HHAT: variants seen among roughly 807,000 people sequenced by gnomAD.
The protein encoded by HHAT is hedgehog acyltransferase.
HHAT carries 47 observed loss-of-function variants against 70.8 expected under a neutral mutation model. That is an observed-to-expected ratio of 0.66 (90% CI 0.53 to 0.85). The LOEUF is 0.85. HHAT is among the 40% of genes least tolerant of loss of function. The pLI is 0.00. For missense variants in HHAT, 609 were observed against 604.8 expected, an observed-to-expected ratio of 1.01 and a Z score of -0.07; for synonymous variants, 228 against 247.6, an observed-to-expected ratio of 0.92 and a Z score of 0.74.
chr1:210,568,659 A>G (rs1655365569), intron 9 of HHAT, among the ~76,000 whole-genome samples: 1 of 152,186 alleles, frequency 6.6e-6, no homozygotes, highest in Non-Finnish European at 1.5e-5. Context: ...AGAGGTTGCC[A>G]TTGGTTACTT....
At chr1:210,668,914 C>G (rs892942792) in intron 11 of HHAT, among the ~76,000 whole-genome samples, 1 of 152,174 alleles carries the variant, frequency 6.6e-6, no homozygotes, top group Admixed American at 6.5e-5. Context: ...GCTGGGATTA[C>G]AGGCACCTGC....
At chr1:210,384,333 G>A (rs937546798) in intron 3 of HHAT, among the ~76,000 whole-genome samples, 3 of 152,164 alleles carry the variant, frequency 2.0e-5, no homozygotes, top group African/African-American at 7.2e-5. Context: ...CAGCTTCGGA[G>A]TATGTGCCCT....
At chr1:210,339,892 A>G (rs1207747453) in intron 1 of HHAT, among the ~76,000 whole-genome samples, 1 of 152,180 alleles carries the variant, frequency 6.6e-6, no homozygotes, top group Admixed American at 6.5e-5. Flanking sequence ...GTGGGTATAT[A>G]TTTTAAACTA....
At chr1:210,450,684 A>G (rs980279250) in intron 7 of HHAT, among the ~76,000 whole-genome samples, 1 of 151,858 alleles carries the variant, frequency 6.6e-6, no homozygotes, top group Non-Finnish European at 1.5e-5. Context: ...TACATATTAA[A>G]TAAATATATA....
chr1:210,513,234 A>G (rs750744668), intron 9 of HHAT, 46 bp downstream of exon 9: 2 of 915,606 alleles, frequency 2.2e-6, no homozygotes, highest in Non-Finnish European at 1.8e-6. Context: ...TAACATGTCT[A>G]TTATGAAAGA....
At chr1:210,572,193 G>A (rs1656460393) in intron 9 of HHAT, among the ~76,000 whole-genome samples, 2 of 152,220 alleles carry the variant, frequency 1.3e-5, no homozygotes, top group South Asian at 4.1e-4. Flanking sequence ...GATAGGGATC[G>A]TGAATCATAA....
At chr1:210,551,170 G>A (rs915234730) in intron 9 of HHAT, among the ~76,000 whole-genome samples, 1 of 148,832 alleles carries the variant, frequency 6.7e-6, no homozygotes. Context: ...GAAGCCCAGG[G>A]TTCCTTGTAG....
At chr1:210,379,654 A>T (rs189225558) in intron 3 of HHAT, among the ~76,000 whole-genome samples, 8 of 152,326 alleles carry the variant, frequency 5.3e-5, no homozygotes, top group African/African-American at 1.9e-4. Flanking sequence ...CTGTTTCAGG[A>T]TATGCAGCTT....
chr1:210,441,377 T>A (rs1372529130), intron 7 of HHAT, among the ~76,000 whole-genome samples: 1 of 152,212 alleles, frequency 6.6e-6, no homozygotes, highest in African/African-American at 2.4e-5. Flanking sequence ...ATTTTTTTTA[T>A]AGAGGTGCTG....
chr1:210,674,670 A>T lies in HHAT; in HGVS notation c.*291A>T. The T allele has an allele frequency of 3.0e-6, 1 of 336,062 alleles. No homozygotes were observed. 20.8% of individuals were successfully genotyped at this position (336,062 alleles called of 1,614,324 possible). A position where few individuals can be genotyped will look rare whatever the true frequency, so the allele number is the denominator to read the frequency against. On this transcript the variant is annotated 3_prime_UTR_variant, in exon 12 of 12. Coordinates refer to ENST00000261458, the MANE Select transcript of HHAT (RefSeq NM_018194.6). ...ACACAGGGTGACATTTTGGTCTAGA[A>T]CCTAGTCTCATGAGCCCTTTGCATT...
At chr1:210,662,735 C>T (rs1489771779) in intron 11 of HHAT, among the ~76,000 whole-genome samples, 1 of 151,990 alleles carries the variant, frequency 6.6e-6, no homozygotes, top group Non-Finnish European at 1.5e-5. Context: ...AGTTCTCCTC[C>T]CCACTCCCTG....
Position 210,573,416 on chromosome 1 carries a change from C to T in HHAT, c.1044-14482C>T, listed in dbSNP as rs142966149. Among the ~76,000 whole-genome samples the T allele has an allele frequency of 3.3e-3, 510 of 152,274 alleles. 1 individual carries two copies. Among genetic ancestry groups the T allele is most frequent in the African/African-American group, 0.011 (437 of 41,546 alleles). ...TGCCTGGCTAAGGAAGAGGTATTGT[C>T]GGGAAAGTTAACCCAAGTAATCCAG... On this transcript the variant is annotated intron_variant, in intron 9 of 11. Coordinates refer to ENST00000261458, the MANE Select transcript of HHAT (RefSeq NM_018194.6).
chr1:210,634,759 G>A (rs779018612), intron 11 of HHAT, among the ~76,000 whole-genome samples: 10 of 152,234 alleles, frequency 6.6e-5, no homozygotes, highest in Middle Eastern at 3.4e-3. Context: ...TTATGACCGC[G>A]CTTTAAGATT....
At chr1:210,405,219 C>A (rs1343593548) in intron 6 of HHAT, among the ~76,000 whole-genome samples, 1 of 152,020 alleles carries the variant, frequency 6.6e-6, no homozygotes, top group Non-Finnish European at 1.5e-5. Context: ...TCTGGATCCC[C>A]CTTTGTGCCC....
chr1:210,378,429 A>T (rs2090392564), intron 3 of HHAT, among the ~76,000 whole-genome samples: 1 of 152,242 alleles, frequency 6.6e-6, no homozygotes, highest in African/African-American at 2.4e-5. Flanking sequence ...AGATATAAGG[A>T]TAAGGAAAAT....
At chr1:210,521,434 C>A (rs544713830) in intron 9 of HHAT, among the ~76,000 whole-genome samples, 2 of 152,258 alleles carry the variant, frequency 1.3e-5, no homozygotes, top group South Asian at 4.2e-4. Flanking sequence ...CTATACCTGA[C>A]CCTTTCGTAA....
intron 3 of HHAT, among the ~76,000 whole-genome samples, chr1:210,379,063 C>T (rs1465047703): frequency 6.6e-6 from 1 of 152,116 alleles, no homozygotes. Context: ...ACTAAGTGAG[C>T]TACCAGAAAC....
chr1:210,335,327 A>AG, intron 1 of HHAT, among the ~76,000 whole-genome samples: 1 of 151,942 alleles, frequency 6.6e-6, no homozygotes, highest in African/African-American at 2.4e-5. Context: ...TGAAAAAAAA[A>AG]AAAGCCTCTT....
intron 8 of HHAT, among the ~76,000 whole-genome samples, chr1:210,475,591 T>G (rs921959459): frequency 6.6e-6 from 1 of 152,172 alleles, no homozygotes; most frequent in Non-Finnish European, 1.5e-5. Context: ...GACTGAATAA[T>G]TTCATCCTCT....
Sources: gnomAD v4.1 joint callset for allele counts (sites outside exome capture counted in the v4.1 genomes callset) on GRCh38, gnomAD v4.1.1 for gene constraint, MANE v1.5 for transcripts, NCBI Gene and HGNC (gene_info 2026-07-23, HGNC 2026-07-21) for gene names.